The following SNTG1 variants were observed in gnomAD, a reference collection of about 807,000 sequenced individuals.
SNTG1 encodes the protein gamma-1-syntrophin.
Under a neutral mutation model 74.7 loss-of-function variants are expected in SNTG1, and 39 were observed. That is an observed-to-expected ratio of 0.52 (90% CI 0.40 to 0.68). The LOEUF (loss-of-function observed/expected upper bound fraction) is 0.68, where lower values mean the gene tolerates loss of function less well. SNTG1 is among the 30% of genes least tolerant of loss of function. SNTG1 has a pLI of 0.00. For missense variants in SNTG1, 685 were observed against 609.5 expected, an observed-to-expected ratio of 1.12 and a Z score of -1.30; for synonymous variants, 254 against 217.1, an observed-to-expected ratio of 1.17 and a Z score of -1.49.
intron 4 of SNTG1, among the ~76,000 whole-genome samples, chr8:50,432,198 A>G (rs1308682950): frequency 6.6e-6 from 1 of 152,190 alleles, no homozygotes; most frequent in Non-Finnish European, 1.5e-5. Context: ...TTTTGTGAAG[A>G]GCATAGTATA....
intron 2 of SNTG1, chr8:50,381,213 G>C (rs1389056733): frequency 2.6e-5 from 4 of 151,536 alleles, no homozygotes; most frequent in African/African-American, 9.7e-5. Flanking sequence ...TTTTCATAGG[G>C]GCTTTTTTTT....
intron 2 of SNTG1, among the ~76,000 whole-genome samples, chr8:50,267,642 T>C (rs1450122457): frequency 6.6e-6 from 1 of 152,170 alleles, no homozygotes; most frequent in East Asian, 1.9e-4. Context: ...ACAGCAAGGC[T>C]TATTCAAAAT....
At chr8:50,513,301 C>T (rs1481380014) in intron 9 of SNTG1, among the ~76,000 whole-genome samples, 4 of 152,168 alleles carry the variant, frequency 2.6e-5, no homozygotes. Flanking sequence ...GAGTACCTGG[C>T]CGTGTGAGGT....
At chr8:50,490,022 A>G (rs2093837136) in intron 8 of SNTG1, among the ~76,000 whole-genome samples, 2 of 152,222 alleles carry the variant, frequency 1.3e-5, no homozygotes, top group Non-Finnish European at 1.5e-5. Context: ...TTTATTAAAT[A>G]GGGAATCCTT....
intron 2 of SNTG1, among the ~76,000 whole-genome samples, chr8:50,254,558 A>G (rs2086788512): frequency 6.6e-6 from 1 of 152,182 alleles, no homozygotes; most frequent in South Asian, 2.1e-4. Flanking sequence ...GAAAATAGAA[A>G]CAAACAGGGC....
intron 15 of SNTG1, among the ~76,000 whole-genome samples, chr8:50,660,993 G>A (rs2095220084): frequency 6.6e-6 from 1 of 151,992 alleles, no homozygotes; most frequent in Admixed American, 6.6e-5. Context: ...TATTCATTGA[G>A]TCCACTTTAA....
chr8:50,310,072 A>C (rs1333035383), intron 2 of SNTG1, among the ~76,000 whole-genome samples: 2 of 152,218 alleles, frequency 1.3e-5, no homozygotes, highest in African/African-American at 2.4e-5. Flanking sequence ...TTGCATATGC[A>C]TCTATCTAGA....
At chr8:50,727,864 A>G (rs952890805) in intron 17 of SNTG1, among the ~76,000 whole-genome samples, 1 of 152,224 alleles carries the variant, frequency 6.6e-6, no homozygotes, top group Non-Finnish European at 1.5e-5. Context: ...TGCATGCCAA[A>G]TAAGTTCTTC....
chr8:50,783,415 C>G (rs913564059), intron 18 of SNTG1, among the ~76,000 whole-genome samples: 7 of 152,230 alleles, frequency 4.6e-5, no homozygotes, highest in African/African-American at 1.4e-4. Flanking sequence ...GCGCCCCTCC[C>G]CCAGCCTCAC....
At chr8:49,972,578 C>A (rs1392905610) in intron 1 of SNTG1, among the ~76,000 whole-genome samples, 5 of 151,548 alleles carry the variant, frequency 3.3e-5, no homozygotes, top group Admixed American at 2.0e-4. Flanking sequence ...AGTGAACAGG[C>A]AACCTACAGA....
intron 17 of SNTG1, among the ~76,000 whole-genome samples, chr8:50,726,693 C>T (rs1211869006): frequency 1.3e-5 from 2 of 151,902 alleles, no homozygotes; most frequent in African/African-American, 4.8e-5. Flanking sequence ...ACTAAAAATA[C>T]AAAAAATTAG....
At chr8:50,514,186 G>GT (rs1366959384) in intron 9 of SNTG1, among the ~76,000 whole-genome samples, 3 of 152,010 alleles carry the variant, frequency 2.0e-5, no homozygotes, top group Non-Finnish European at 4.4e-5. Flanking sequence ...TTTCTATACT[G>GT]TATTTCTTTT....
chr8:50,659,179 A>T (rs960649313), intron 15 of SNTG1, among the ~76,000 whole-genome samples: 6 of 152,200 alleles, frequency 3.9e-5, no homozygotes, highest in African/African-American at 1.4e-4. Context: ...CGATTGTCAT[A>T]TATCAGTTGA....
chr8:50,036,941 G>C (rs1016827984), intron 1 of SNTG1, among the ~76,000 whole-genome samples: 2 of 152,184 alleles, frequency 1.3e-5, no homozygotes, highest in Admixed American at 6.5e-5. Context: ...AAAAGTTAAG[G>C]TTATATAATC....
intron 4 of SNTG1, among the ~76,000 whole-genome samples, chr8:50,434,191 T>C (rs1017374448): frequency 3.3e-5 from 5 of 152,114 alleles, no homozygotes; most frequent in African/African-American, 9.7e-5. Context: ...TTTCCAGCTT[T>C]ATCCATTTCC....
chr8:50,428,010 A>G (rs977529890), intron 4 of SNTG1, among the ~76,000 whole-genome samples: 1 of 152,198 alleles, frequency 6.6e-6, no homozygotes, highest in Non-Finnish European at 1.5e-5. Context: ...TACCATCTAA[A>G]TAAGTGTTAA....
chr8:50,781,555 T>C (rs1267311578), intron 18 of SNTG1, among the ~76,000 whole-genome samples: 1 of 152,228 alleles, frequency 6.6e-6, no homozygotes. Context: ...TCCATTTTCT[T>C]GGTAGGTCTT....
At chr8:50,783,826 A>G (rs572593582) in intron 18 of SNTG1, among the ~76,000 whole-genome samples, 6 of 152,216 alleles carry the variant, frequency 3.9e-5, no homozygotes, top group African/African-American at 1.2e-4. Context: ...AGCTGTTCCT[A>G]TTTGGCCATC....
intron 1 of SNTG1, among the ~76,000 whole-genome samples, chr8:50,072,513 A>G (rs1291101052): frequency 6.6e-6 from 1 of 152,168 alleles, no homozygotes; most frequent in Non-Finnish European, 1.5e-5. Flanking sequence ...ATAGAAATCC[A>G]AGCATCTTCC....
Sources: gnomAD v4.1 joint callset for allele counts (sites outside exome capture counted in the v4.1 genomes callset) on GRCh38, gnomAD v4.1.1 for gene constraint, MANE v1.5 for transcripts, NCBI Gene and HGNC (gene_info 2026-07-23, HGNC 2026-07-21) for gene names.